The following AFF1 variants were observed in gnomAD, a reference collection of about 807,000 sequenced individuals.
AFF1 encodes AF4/FMR2 family member 1.
In AFF1, 48 loss-of-function variants were observed where a neutral mutation model predicts 121.7. That is an observed-to-expected ratio of 0.39 (90% CI 0.31 to 0.50). The LOEUF (loss-of-function observed/expected upper bound fraction) is 0.50, where lower values mean the gene tolerates loss of function less well. Ranked by LOEUF, AFF1 falls within the 20% of genes least tolerant of loss-of-function variation. The pLI, the probability that AFF1 is intolerant of heterozygous loss-of-function variation, is 0.76. For missense variants in AFF1, 1,523 were observed against 1,511.7 expected, an observed-to-expected ratio of 1.01 and a Z score of -0.12; for synonymous variants, 613 against 563.0, an observed-to-expected ratio of 1.09 and a Z score of -1.26.
intron 7 of AFF1, among the ~76,000 whole-genome samples, chr4:87,093,885 C>T (rs1724565605): frequency 6.6e-6 from 1 of 152,154 alleles, no homozygotes; most frequent in African/African-American, 2.4e-5. Flanking sequence ...ACAAATGCAG[C>T]TGCCTCCACA....
chr4:87,027,784 G>GTTTTTTTTTTTT (rs35903702), intron 2 of AFF1, among the ~76,000 whole-genome samples: 1 of 90,598 alleles, frequency 1.1e-5, no homozygotes, highest in African/African-American at 4.4e-5. Context: ...TTGCTGTTGG[G>GTTTTTTTTTTTT]TTTTTTTTTT....
intron 16 of AFF1, among the ~76,000 whole-genome samples, chr4:87,130,022 T>A (rs531977388): frequency 4.6e-5 from 7 of 151,304 alleles, no homozygotes; most frequent in Admixed American, 2.6e-4. Flanking sequence ...CCACCCAGGC[T>A]GGAGTGCAAT....
chr4:86,943,599 C>T (rs775732152), intron 1 of AFF1, among the ~76,000 whole-genome samples: 4 of 152,172 alleles, frequency 2.6e-5, no homozygotes, highest in Non-Finnish European at 4.4e-5. Context: ...CTCAGTCGCT[C>T]ACACCTGTGA....
At chr4:86,995,342 C>T (rs946964833) in intron 2 of AFF1, among the ~76,000 whole-genome samples, 6 of 131,854 alleles carry the variant, frequency 4.6e-5, no homozygotes, top group Admixed American at 8.1e-5. Flanking sequence ...TCTCTTTCCA[C>T]GGTCTCCCTC....
At chr4:87,081,521 C>G (rs957767240) in intron 4 of AFF1, among the ~76,000 whole-genome samples, 4 of 152,096 alleles carry the variant, frequency 2.6e-5, no homozygotes, top group Admixed American at 1.3e-4. Context: ...ATGCAAACAC[C>G]TATGTTTATG....
At chr4:86,986,872 A>T (rs1194570746) in intron 2 of AFF1, among the ~76,000 whole-genome samples, 1 of 152,026 alleles carries the variant, frequency 6.6e-6, no homozygotes, top group Non-Finnish European at 1.5e-5. Flanking sequence ...TAAAATCATC[A>T]TTTTTTAAAG....
At chr4:87,070,990 C>T (rs367559165) in intron 4 of AFF1, among the ~76,000 whole-genome samples, 27 of 152,090 alleles carry the variant, frequency 1.8e-4, no homozygotes, top group South Asian at 1.5e-3. Context: ...GAGAAACTGG[C>T]GAAAAAGCAG....
chr4:86,963,610 G>A (rs1383349293), intron 2 of AFF1, among the ~76,000 whole-genome samples: 1 of 152,088 alleles, frequency 6.6e-6, no homozygotes, highest in Non-Finnish European at 1.5e-5. Flanking sequence ...GATCTTATAG[G>A]GTAGGTCAGG....
chr4:86,967,293 C>T (rs11945159), intron 2 of AFF1, among the ~76,000 whole-genome samples: 9,667 of 152,072 alleles, frequency 0.064, 1,019 homozygotes, highest in African/African-American at 0.22. Context: ...GATAAAGGAA[C>T]CATACTTGTG....
At position 86,998,098 on chromosome 4, in the gene AFF1, C is replaced by CAAAAAAAAAAAAAAAAAAAAAAAAAAA. The variant is rs56741955; in HGVS notation, c.39-48065_39-48039dup. ...AGGCAATAAGAGCGAAACTCCGTCT[C>CAAAAAAAAAAAAAAAAAAAAAAAAAAA]AAAAAAAAAAAAAAAAAAAAAAAAA... is the stretch of plus-strand genomic sequence containing the variant. On this transcript the variant is annotated intron_variant, in intron 2 of 20. Coordinates refer to ENST00000395146, the MANE Select transcript of AFF1 (RefSeq NM_001166693.3). 4.4e-5 allele frequency among the ~76,000 whole-genome samples: 4 copies of CAAAAAAAAAAAAAAAAAAAAAAAAAAA among 91,754 alleles called. 1 individual carries two copies. The highest frequency in any genetic ancestry group is 3.3e-4 in the East Asian group (1 of 3,046). The allele number at this position is 91,754 out of a possible 152,430, so 60.2% of individuals were successfully genotyped here.
At chr4:86,958,381 G>A (rs908692242) in intron 2 of AFF1, among the ~76,000 whole-genome samples, 1 of 151,890 alleles carries the variant, frequency 6.6e-6, no homozygotes, top group Non-Finnish European at 1.5e-5. Context: ...GTGAGTCACC[G>A]TGCCCGGCCC....
At chr4:87,121,879 C>T (rs950423942) in intron 12 of AFF1, among the ~76,000 whole-genome samples, 2 of 152,204 alleles carry the variant, frequency 1.3e-5, no homozygotes, top group Admixed American at 6.5e-5. Flanking sequence ...TTGATTTGCC[C>T]TGACTTGTAT....
At chr4:87,008,362 C>A (rs1726385498) in intron 2 of AFF1, among the ~76,000 whole-genome samples, 1 of 152,152 alleles carries the variant, frequency 6.6e-6, no homozygotes, top group African/African-American at 2.4e-5. Flanking sequence ...GTTAAATGTT[C>A]ATGTTTGGGC....
Position 87,079,877 on chromosome 4 carries a change from G to A in AFF1, c.1060-4243G>A, listed in dbSNP as rs72879907. The stretch of plus-strand genomic sequence containing the variant: ...CAGGCATTTTTAAGTTTATGTAATA[G>A]GGATGTATCTTACAGTTGATGGGTA... On this transcript the variant is annotated intron_variant, in intron 4 of 20. Coordinates refer to ENST00000395146, the MANE Select transcript of AFF1 (RefSeq NM_001166693.3). Among the ~76,000 whole-genome samples the A allele has an allele frequency of 2.1e-3, 327 of 152,236 alleles. 4 individuals are homozygous for A. The highest frequency in any genetic ancestry group is 7.1e-3 in the African/African-American group (296 of 41,514).
intron 4 of AFF1, among the ~76,000 whole-genome samples, chr4:87,079,624 A>G (rs889291274): frequency 6.6e-6 from 1 of 152,244 alleles, no homozygotes; most frequent in Non-Finnish European, 1.5e-5. Flanking sequence ...GAAAACTGGT[A>G]TAACAGTATT....
intron 5 of AFF1, among the ~76,000 whole-genome samples, chr4:87,085,985 C>T (rs1412192651): frequency 4.6e-5 from 7 of 152,084 alleles, no homozygotes; most frequent in Admixed American, 2.6e-4. Flanking sequence ...GTGATCCACC[C>T]GCCTCAGCCC....
chr4:86,948,722 G>A (rs924725885), intron 2 of AFF1, among the ~76,000 whole-genome samples, 151 bp downstream of exon 2: 3 of 152,228 alleles, frequency 2.0e-5, no homozygotes, highest in African/African-American at 7.2e-5. Context: ...TCTACATGAA[G>A]TCAAACTTGT....
chr4:87,095,847 A>G (rs2149725225), intron 8 of AFF1, among the ~76,000 whole-genome samples: 1 of 152,212 alleles, frequency 6.6e-6, no homozygotes, highest in Admixed American at 6.5e-5. Flanking sequence ...ATAGGGACTA[A>G]GTGAGGAGGC....
chr4:87,082,519 T>C (rs1191023939), intron 4 of AFF1, among the ~76,000 whole-genome samples: 1 of 152,140 alleles, frequency 6.6e-6, no homozygotes, highest in Non-Finnish European at 1.5e-5. Flanking sequence ...ACAGACTGCA[T>C]CTGAATTTTT....
Sources: gnomAD v4.1 joint callset for allele counts (sites outside exome capture counted in the v4.1 genomes callset) on GRCh38, gnomAD v4.1.1 for gene constraint, MANE v1.5 for transcripts, NCBI Gene and HGNC (gene_info 2026-07-23, HGNC 2026-07-21) for gene names.